NAV3: variants seen among roughly 807,000 people sequenced by gnomAD.
The protein encoded by NAV3 is neuron navigator 3.
A neutral mutation model predicts 244.7 loss-of-function variants in NAV3; 87 were observed. That is an observed-to-expected ratio of 0.36 (90% CI 0.30 to 0.42). NAV3 has a LOEUF of 0.42. Among genes scored for constraint, NAV3 ranks in the 20% least tolerant of loss-of-function variants. The pLI is 1.00. For synonymous variants in NAV3, 1,126 were observed against 1,042.2 expected (o/e 1.08, Z -1.55); for missense variants, 2,663 against 2,893.3 (o/e 0.92, Z 1.83).
intron 8 of NAV3, among the ~76,000 whole-genome samples, chr12:78,016,777 A>G (rs572149932): frequency 2.6e-3 from 389 of 152,278 alleles, no homozygotes; most frequent in Non-Finnish European, 3.8e-3. Context: ...AATACAAATC[A>G]GTATGCAAAC....
rs967983998 is a variant in NAV3 at position 77,994,867 on chromosome 12, A to G, written c.736A>G (p.Thr246Ala). Residue 246 changes from threonine (T) to alanine (A), a missense_variant, in exon 6 of 40, where the codon ACT becomes GCT. Physicochemically the swap from Thr to Ala is moderately conservative, Grantham distance 58 (BLOSUM62 0). This residue lies in a region of NAV3 where 1,521 missense variants were observed against 1,497.0 expected (regional missense o/e 1.02). Coordinates refer to ENST00000397909, the MANE Select transcript of NAV3 (RefSeq NM_001024383.2). ...SGIATSQKKP[T>A]RLPGPSRVPA... is the part of the protein sequence containing the mutation. The stretch of plus-strand genomic sequence containing the variant: ...AATTGCAACCAGTCAAAAAAAGCCT[A>G]CTAGGTCAGTTAATATTCTCTAATT... 3 of 1,604,680 alleles carry G rather than the reference A, an allele frequency of 1.9e-6. No homozygotes were observed. Among genetic ancestry groups the G allele is most frequent in the East Asian group, 4.5e-5 (2 of 44,552 alleles).
chr12:77,997,796 T>C (rs902904672), intron 6 of NAV3, among the ~76,000 whole-genome samples: 1 of 152,226 alleles, frequency 6.6e-6, no homozygotes, highest in Non-Finnish European at 1.5e-5. Context: ...CTTGGTACCA[T>C]GTTTTCATTA....
At chr12:77,993,715 C>A (rs1369522919) in intron 5 of NAV3, among the ~76,000 whole-genome samples, 2 of 152,090 alleles carry the variant, frequency 1.3e-5, no homozygotes, top group East Asian at 1.9e-4. Flanking sequence ...ACTAAAATAC[C>A]CTCTGCTTGG....
intron 34 of NAV3, among the ~76,000 whole-genome samples, chr12:78,196,320 T>C (rs1399318399): frequency 9.2e-5 from 14 of 151,980 alleles, no homozygotes; most frequent in Admixed American, 7.2e-4. Context: ...TTGTTTTATC[T>C]CCTACTTTTA....
intron 9 of NAV3, among the ~76,000 whole-genome samples, chr12:78,045,339 C>T (rs1256337912): frequency 3.9e-5 from 6 of 151,966 alleles, no homozygotes; most frequent in South Asian, 4.2e-4. Flanking sequence ...TCCATCACAC[C>T]GGCTGGAGTG....
intron 2 of NAV3, among the ~76,000 whole-genome samples, chr12:77,591,660 T>C (rs529848655): frequency 6.6e-6 from 1 of 152,158 alleles, no homozygotes; most frequent in Non-Finnish European, 1.5e-5. Context: ...ACATATAACA[T>C]GTTATTCTAG....
intron 5 of NAV3, among the ~76,000 whole-genome samples, chr12:77,993,368 T>G (rs558360269): frequency 6.6e-6 from 1 of 152,324 alleles, no homozygotes; most frequent in South Asian, 2.1e-4. Flanking sequence ...AGTGTTTTTA[T>G]TCTTTAATTT....
At chr12:77,594,773 A>G (rs528888825) in intron 2 of NAV3, among the ~76,000 whole-genome samples, 11 of 152,360 alleles carry the variant, frequency 7.2e-5, no homozygotes, top group African/African-American at 2.6e-4. Context: ...AGAATTTGTA[A>G]ATAGCCATTC....
chr12:77,684,794 G>C (rs1016611592), intron 2 of NAV3, among the ~76,000 whole-genome samples: 2 of 151,750 alleles, frequency 1.3e-5, no homozygotes, highest in South Asian at 4.2e-4. Context: ...TTATATTTTG[G>C]CCAAGGTCTG....
chr12:77,953,783 C>T (rs751726688), intron 3 of NAV3, among the ~76,000 whole-genome samples: 2 of 152,140 alleles, frequency 1.3e-5, no homozygotes, highest in Admixed American at 6.6e-5. Context: ...CCTGGAATTA[C>T]GCATGCTCAC....
intron 1 of NAV3, among the ~76,000 whole-genome samples, chr12:77,891,016 T>C (rs1883870595): frequency 6.6e-6 from 1 of 152,108 alleles, no homozygotes; most frequent in South Asian, 2.1e-4. Flanking sequence ...TTCCATCCTT[T>C]TTTTTTAAGT....
intron 1 of NAV3, among the ~76,000 whole-genome samples, chr12:77,838,384 T>C (rs780201598): frequency 1.3e-5 from 2 of 152,206 alleles, no homozygotes; most frequent in Admixed American, 6.5e-5. Flanking sequence ...AGTTCATGCT[T>C]TACAGTGTCT....
At chr12:77,588,126 CT>C (rs1394050048) in intron 2 of NAV3, among the ~76,000 whole-genome samples, 1 of 151,986 alleles carries the variant, frequency 6.6e-6, no homozygotes, top group African/African-American at 2.4e-5. Flanking sequence ...GTAAAAATAT[CT>C]ATTTTGTTGA....
chr12:77,638,268 C>CT (rs1872243639), intron 2 of NAV3, among the ~76,000 whole-genome samples: 1 of 152,036 alleles, frequency 6.6e-6, no homozygotes, highest in Non-Finnish European at 1.5e-5. Flanking sequence ...AATGGTTACC[C>CT]CTGCTTTGAA....
At chr12:77,952,312 T>C (rs772609678) in intron 3 of NAV3, among the ~76,000 whole-genome samples, 6 of 152,182 alleles carry the variant, frequency 3.9e-5, no homozygotes, top group Non-Finnish European at 7.3e-5. Flanking sequence ...ATTTGTTGCA[T>C]GTAGATGTCC....
intron 12 of NAV3, among the ~76,000 whole-genome samples, chr12:78,114,712 A>G (rs1465682255): frequency 6.6e-6 from 1 of 152,176 alleles, no homozygotes; most frequent in Non-Finnish European, 1.5e-5. Flanking sequence ...ACACAGCCAA[A>G]CCATGTCAGT....
At chr12:78,142,193 A>G (rs939556419) in intron 20 of NAV3, among the ~76,000 whole-genome samples, 8 of 152,114 alleles carry the variant, frequency 5.3e-5, no homozygotes, top group African/African-American at 1.7e-4. Context: ...GTTACACAGC[A>G]TATGTTTGTA....
chr12:77,954,390 A>C (rs1891173979), intron 3 of NAV3, among the ~76,000 whole-genome samples: 1 of 152,230 alleles, frequency 6.6e-6, no homozygotes, highest in African/African-American at 2.4e-5. Context: ...GGTAGTAAGC[A>C]TAATGAGGCA....
chr12:77,722,945 G>C (rs984095765), intron 2 of NAV3, among the ~76,000 whole-genome samples: 9 of 151,992 alleles, frequency 5.9e-5, no homozygotes, highest in African/African-American at 2.2e-4. Context: ...TTAGGCTCAG[G>C]TGAATGTTTA....
Sources: gnomAD v4.1 joint callset for allele counts (sites outside exome capture counted in the v4.1 genomes callset) on GRCh38, gnomAD v4.1.1 for gene constraint, gnomAD v4.1.1 regional missense constraint, MANE v1.5 for transcripts, NCBI Gene and HGNC (gene_info 2026-07-23, HGNC 2026-07-21) for gene names.